The following ABCG1 variants were observed in gnomAD, a reference collection of about 807,000 sequenced individuals.
ABCG1 encodes ATP-binding cassette sub-family G member 1.
ABCG1 carries 29 observed loss-of-function variants against 69.2 expected under a neutral mutation model. The ratio of observed to expected loss-of-function variants is 0.42; its 90% confidence interval spans 0.31 to 0.57. ABCG1 has a LOEUF of 0.57. ABCG1 is among the 20% of genes least tolerant of loss of function. ABCG1 has a pLI of 0.15. For synonymous variants in ABCG1, 370 were observed against 374.8 expected (o/e 0.99, Z 0.15); for missense variants, 718 against 898.1 (o/e 0.80, Z 2.56).
At position 42,296,129 on chromosome 21, in the gene ABCG1, G is replaced by T; in HGVS notation, c.1773-35G>T. The T allele has an allele frequency of 6.3e-7, 1 of 1,579,800 alleles. No homozygotes were observed. Among genetic ancestry groups the T allele is most frequent in the South Asian group, 1.1e-5 (1 of 90,370 alleles). On this transcript the variant is annotated intron_variant, in intron 14 of 14. Transcript: ENST00000398449. This position sits in a 1 kb window ranked among gnomAD's most constrained non-coding sequence, Gnocchi z 5.4. ...CAGCCAACGGCGTGGCTGGCTGGGAGAACGTCCTCCCTCATGCCTGGCCTT... is the reference window on the plus strand; with the variant it reads ...CAGCCAACGGCGTGGCTGGCTGGGATAACGTCCTCCCTCATGCCTGGCCTT...
chr21:42,216,580 G>T (rs555055387), upstream of ABCG1, among the ~76,000 whole-genome samples: 2 of 152,316 alleles, frequency 1.3e-5, no homozygotes, highest in Admixed American at 6.5e-5. Flanking sequence ...CTGCTGGGGG[G>T]CCATGCAGAG....
At position 42,290,080 on chromosome 21, in the gene ABCG1, A is replaced by G. The variant is rs765237454; in HGVS notation, c.1255A>G (p.Ile419Val). 1.9e-6 allele frequency: 3 copies of G among 1,614,204 alleles called. No individual in the cohort carries two copies. In the South Asian group the frequency reaches 3.3e-5, roughly 18 times the overall value. Residue 419 changes from isoleucine (I) to valine (V), a missense_variant, in exon 11 of 15, where the codon ATT becomes GTT. By Grantham distance (29) the Ile-to-Val change is conservative (BLOSUM62 3). Transcript: ENST00000398449. ...GACACACCTGCGCATCACCTCGCAC[A>G]TTGGGATCGGCCTCCTCATTGGCCT... ...VLTHLRITSH[I>V]GIGLLIGLLY...
At chr21:42,292,086 G>C (rs557731490) in intron 13 of ABCG1, among the ~76,000 whole-genome samples, 51 of 152,186 alleles carry the variant, frequency 3.4e-4, no homozygotes, top group Middle Eastern at 3.4e-3. Context: ...GCCTCTCCAT[G>C]GGCCCCTTCC....
chr21:42,256,608 C>G, intron 2 of ABCG1: 2 of 1,512,784 alleles, frequency 1.3e-6, no homozygotes, highest in Non-Finnish European at 1.8e-6. Context: ...ACAGTTTTTA[C>G]AGGCACAGGT....
chr21:42,239,894 G>A (rs2123591204), intron 2 of ABCG1, among the ~76,000 whole-genome samples: 1 of 152,354 alleles, frequency 6.6e-6, no homozygotes, highest in East Asian at 1.9e-4. Flanking sequence ...AGCTAGCTGG[G>A]CAAGGGGCCT....
In ABCG1 at chr21:42,288,493, AG is replaced by A. The variant is rs2068991803; in HGVS notation, c.1224+183del. ...GAGGCCAAGGCAGGCAGATCATTTGAGGCCAGGAGTTCAGACCAGCCTGGCC... is the reference window on the plus strand; with the variant it reads ...GAGGCCAAGGCAGGCAGATCATTTGAGCCAGGAGTTCAGACCAGCCTGGCC... On this transcript the variant is annotated intron_variant, in intron 10 of 14. Transcript: ENST00000398449. The surrounding 1 kb of genome is among the most constrained non-coding windows in gnomAD (Gnocchi z 4.8). 6.6e-6 allele frequency among the ~76,000 whole-genome samples: 1 copy of A among 152,348 alleles called. No individual in the cohort carries two copies. The highest frequency in any genetic ancestry group is 1.9e-4 in the East Asian group (1 of 5,180).
At chr21:42,265,380 A>T (rs1266971558) in intron 2 of ABCG1, among the ~76,000 whole-genome samples, 2 of 152,238 alleles carry the variant, frequency 1.3e-5, no homozygotes, top group African/African-American at 4.8e-5. Flanking sequence ...GGCATTAGTT[A>T]AGATGAGGTC....
chr21:42,284,246 G>A (rs1211125773), intron 6 of ABCG1, among the ~76,000 whole-genome samples: 1 of 149,196 alleles, frequency 6.7e-6, no homozygotes, highest in African/African-American at 2.5e-5. Context: ...TGTCCCGCCT[G>A]GATAGTTGTG....
intron 2 of ABCG1, among the ~76,000 whole-genome samples, chr21:42,260,340 C>T (rs930308515): frequency 8.5e-5 from 13 of 152,322 alleles, no homozygotes; most frequent in Admixed American, 2.6e-4. Flanking sequence ...AGACCCATGA[C>T]GCTGCTGCTC....
chr21:42,275,879 T>C (rs953444080), intron 4 of ABCG1, among the ~76,000 whole-genome samples: 1 of 152,240 alleles, frequency 6.6e-6, no homozygotes, highest in African/African-American at 2.4e-5. Flanking sequence ...TGTGCATGTT[T>C]ATGCTTTTCA....
intron 2 of ABCG1, among the ~76,000 whole-genome samples, chr21:42,229,194 G>A (rs546942937): frequency 6.6e-6 from 1 of 152,350 alleles, no homozygotes; most frequent in Admixed American, 6.5e-5. Flanking sequence ...CAGTGGCGGA[G>A]TTTGTATTTG....
intron 2 of ABCG1, among the ~76,000 whole-genome samples, chr21:42,241,623 A>G (rs1354198672): frequency 2.6e-5 from 4 of 151,388 alleles, no homozygotes; most frequent in Non-Finnish European, 5.9e-5. Flanking sequence ...AAAATAACAA[A>G]AAAAAAACAA....
At chr21:42,251,359 G>A (rs2068217989) in intron 2 of ABCG1, among the ~76,000 whole-genome samples, 1 of 152,162 alleles carries the variant, frequency 6.6e-6, no homozygotes, top group Admixed American at 6.5e-5. Context: ...AAGGAGGTAC[G>A]TGTTGTTACC....
At position 42,296,389 on chromosome 21, in the gene ABCG1, G is replaced by A. The variant is rs1377121657; in HGVS notation, c.1998G>A (p.Arg666=). 2.5e-6 allele frequency: 4 copies of A among 1,612,704 alleles called. No individual in the cohort carries two copies. Among genetic ancestry groups the A allele is most frequent in the African/African-American group, 1.3e-5 (1 of 75,002 alleles). ...TCAGGTACAAAATCCGGGCAGAGAG[G>A]TAAAACACCTGAATGCCAGGAAACA... ...FVLRYKIRAE[R] Residue 666 remains arginine (R), a synonymous_variant, in exon 15 of 15, where the codon AGG becomes AGA. Coordinates refer to ENST00000398449, the MANE Select transcript of ABCG1 (RefSeq NM_016818.3). The surrounding 1 kb of genome is among the most constrained non-coding windows in gnomAD (Gnocchi z 5.4).
At chr21:42,229,721 A>G (rs1212648905) in intron 2 of ABCG1, among the ~76,000 whole-genome samples, 1 of 151,516 alleles carries the variant, frequency 6.6e-6, no homozygotes, top group Non-Finnish European at 1.5e-5. Flanking sequence ...CTCTGTCTCA[A>G]AAAAAAAACA....
chr21:42,290,104 C>T lies in ABCG1; in HGVS notation c.1279C>T (p.Leu427=). ...SHIGIGLLIG[L]LYLGIGNEAK... Reference sequence around the variant, plus strand: ...CATTGGGATCGGCCTCCTCATTGGCCTGCTGTACTTGGGGATCGGGAACGA... The same window carrying T: ...CATTGGGATCGGCCTCCTCATTGGCTTGCTGTACTTGGGGATCGGGAACGA... Residue 427 remains leucine (L), a synonymous_variant, in exon 11 of 15, where the codon CTG becomes TTG. Transcript: ENST00000398449. The T allele has an allele frequency of 1.2e-6, 2 of 1,614,232 alleles. No individual in the cohort carries two copies. The highest frequency in any genetic ancestry group is 1.7e-6 in the Non-Finnish European group (2 of 1,180,050).
At chr21:42,211,069 C>T (rs2067584768) in intron 2 of ABCG1, among the ~76,000 whole-genome samples, 1 of 151,642 alleles carries the variant, frequency 6.6e-6, no homozygotes, top group Non-Finnish European at 1.5e-5. Context: ...ATGCCATTCT[C>T]CTGCCTCAGC....
Position 42,278,603 on chromosome 21 carries a change from C to T in ABCG1, c.588+1658C>T, listed in dbSNP as rs550350984. Among the ~76,000 whole-genome samples the T allele has an allele frequency of 6.1e-4, 93 of 152,304 alleles. 1 individual carries two copies. The highest frequency in any genetic ancestry group is 2.2e-3 in the African/African-American group (91 of 41,562). The stretch of plus-strand genomic sequence containing the variant: ...GCATCTGCCAGCCCAGGAGAGGGGC[C>T]TCAGGAACCAACCCTGCTGCCCTCG... On this transcript the variant is annotated intron_variant, in intron 5 of 14. Transcript: ENST00000398449.
In ABCG1 at chr21:42,219,632, T is replaced by G. The variant is rs1601343169; in HGVS notation, c.42+328T>G. ...CTTCTGGGCGGGGGGCGTGGGGAGC[T>G]GGGGACCCGGAGCGCACTGGGGACT... On this transcript the variant is annotated intron_variant, in intron 1 of 14. Coordinates refer to ENST00000398449, the MANE Select transcript of ABCG1 (RefSeq NM_016818.3). This position sits in a 1 kb window ranked among gnomAD's most constrained non-coding sequence, Gnocchi z 5.3. 7.0e-6 allele frequency among the ~76,000 whole-genome samples: 1 copy of G among 142,232 alleles called. No homozygotes were observed. The highest frequency in any genetic ancestry group is 7.1e-5 in the Admixed American group (1 of 14,158). 93.3% of individuals were successfully genotyped at this position (142,232 alleles called of 152,430 possible).
Sources: gnomAD v4.1 joint callset for allele counts (sites outside exome capture counted in the v4.1 genomes callset) on GRCh38, gnomAD v4.1.1 for gene constraint, Gnocchi (gnomAD v3.1) non-coding constraint, MANE v1.5 for transcripts, NCBI Gene and HGNC (gene_info 2026-07-23, HGNC 2026-07-21) for gene names.